TRPM7: variants seen among roughly 807,000 people sequenced by gnomAD.
TRPM7 encodes the protein LTRPC ion channel family member 7.
Under a neutral mutation model 229.7 loss-of-function variants are expected in TRPM7, and 134 were observed. The observed-to-expected ratio is 0.58, with a 90% CI of 0.51 to 0.67. TRPM7 has a LOEUF of 0.67. Among genes scored for constraint, TRPM7 ranks in the 30% least tolerant of loss-of-function variants. The pLI is 0.00. For missense variants in TRPM7, 1,901 were observed against 2,210.0 expected, an observed-to-expected ratio of 0.86 and a Z score of 2.80; for synonymous variants, 699 against 715.2, an observed-to-expected ratio of 0.98 and a Z score of 0.36.
At chr15:50,663,586 A>C (rs1021221388) in intron 1 of TRPM7, among the ~76,000 whole-genome samples, 1 of 151,940 alleles carries the variant, frequency 6.6e-6, no homozygotes, top group African/African-American at 2.4e-5. Context: ...TCAAATAGTC[A>C]AACAGGAGGG....
chr15:50,673,878 A>T (rs2062042331), intron 1 of TRPM7, among the ~76,000 whole-genome samples: 1 of 152,220 alleles, frequency 6.6e-6, no homozygotes, highest in South Asian at 2.1e-4. Flanking sequence ...CATTCCTACC[A>T]GCAGTGTAGA....
intron 10 of TRPM7, 75 bp downstream of exon 10, chr15:50,631,342 A>T: frequency 1.3e-6 from 1 of 782,332 alleles, no homozygotes; most frequent in East Asian, 2.5e-5. Flanking sequence ...ATACATACAC[A>T]TATACACACA....
intron 2 of TRPM7, among the ~76,000 whole-genome samples, chr15:50,658,092 C>A (rs1407460072): frequency 2.0e-5 from 3 of 151,424 alleles, no homozygotes; most frequent in Non-Finnish European, 4.4e-5. Context: ...GCAAGCTCCG[C>A]CTCCCGGGTT....
At chr15:50,592,797 G>A (rs2059539386) in intron 25 of TRPM7, among the ~76,000 whole-genome samples, 171 bp from the exon 26 acceptor site, 1 of 152,120 alleles carries the variant, frequency 6.6e-6, no homozygotes, top group Admixed American at 6.5e-5. Context: ...TGTTTAAGAA[G>A]GATCCAGTGC....
chr15:50,672,992 T>C (rs2062023608), intron 1 of TRPM7, among the ~76,000 whole-genome samples: 1 of 151,624 alleles, frequency 6.6e-6, no homozygotes, highest in African/African-American at 2.4e-5. Flanking sequence ...ATACGAAGTG[T>C]TATTACAAGA....
chr15:50,681,132 T>A (rs2062232140), intron 1 of TRPM7, among the ~76,000 whole-genome samples: 1 of 151,926 alleles, frequency 6.6e-6, no homozygotes, highest in Admixed American at 6.6e-5. Context: ...ATGCCTGTAA[T>A]CCCAGCTACT....
intron 16 of TRPM7, among the ~76,000 whole-genome samples, 162 bp from the exon 17 acceptor site, chr15:50,611,483 T>C (rs929166116): frequency 6.6e-6 from 1 of 152,224 alleles, no homozygotes; most frequent in African/African-American, 2.4e-5. Context: ...CATCTACATC[T>C]ATGTGGAAAT....
chr15:50,636,832 A>G (rs2060921841), intron 7 of TRPM7, among the ~76,000 whole-genome samples: 1 of 152,176 alleles, frequency 6.6e-6, no homozygotes, highest in South Asian at 2.1e-4. Flanking sequence ...TAAATCACAC[A>G]TTAAGAATAT....
rs55840070 is a variant in TRPM7 at position 50,589,650 on chromosome 15, C to G, written c.4331G>C (p.Arg1444Thr). Reference sequence around the variant, plus strand: ...AAACCTCTGTAAATCCATGCTATCTCTGTGTCCTTTAATAGAAAAAAAGAT... The same window carrying G: ...AAACCTCTGTAAATCCATGCTATCTGTGTGTCCTTTAATAGAAAAAAAGAT... ...NTEFGAFVGH[R>T]DSMDLQRFKE... Residue 1444 changes from arginine (R) to threonine (T), a missense_variant, in exon 27 of 39, where the codon AGA becomes ACA. By Grantham distance (71) the Arg-to-Thr change is moderately conservative. Transcript: ENST00000646667. The G allele has an allele frequency of 1.9e-6, 3 of 1,588,642 alleles. No homozygotes were observed. Among genetic ancestry groups the G allele is most frequent in the Non-Finnish European group, 2.6e-6 (3 of 1,166,526 alleles).
At chr15:50,658,698 T>C (rs1454353818) in intron 2 of TRPM7, among the ~76,000 whole-genome samples, 1 of 152,140 alleles carries the variant, frequency 6.6e-6, no homozygotes, top group Non-Finnish European at 1.5e-5. Flanking sequence ...ATAAAAAACG[T>C]TGACTCTCAC....
At chr15:50,602,675 T>C (rs1029522829) in intron 21 of TRPM7, among the ~76,000 whole-genome samples, 5 of 152,196 alleles carry the variant, frequency 3.3e-5, no homozygotes, top group African/African-American at 1.2e-4. Flanking sequence ...GACCATGTCT[T>C]ATTCATCTTT....
intron 4 of TRPM7, among the ~76,000 whole-genome samples, chr15:50,647,379 C>T (rs1293897765): frequency 6.6e-6 from 1 of 152,152 alleles, no homozygotes; most frequent in African/African-American, 2.4e-5. Context: ...GATCCACCCA[C>T]CTTGGATTCC....
chr15:50,626,567 T>C (rs755455989), intron 11 of TRPM7, among the ~76,000 whole-genome samples: 9 of 152,178 alleles, frequency 5.9e-5, no homozygotes, highest in Non-Finnish European at 1.3e-4. Flanking sequence ...GGTAACACTA[T>C]GCAGAAGAAA....
chr15:50,657,758 C>A (rs180796992), intron 3 of TRPM7, 23 bp downstream of exon 3: 10 of 1,602,768 alleles, frequency 6.2e-6, no homozygotes, highest in South Asian at 2.2e-5. Flanking sequence ...GAAATTTGTG[C>A]GGTATAGTTA....
intron 1 of TRPM7, among the ~76,000 whole-genome samples, chr15:50,679,518 A>ATGTG (rs1567129229): frequency 3.5e-4 from 6 of 17,366 alleles, no homozygotes; most frequent in African/African-American, 6.7e-4. Flanking sequence ...TATAATATAT[A>ATGTG]TATATATATA....
intron 24 of TRPM7, 119 bp downstream of exon 24, chr15:50,594,310 A>G (rs2059582568): frequency 2.1e-6 from 2 of 961,002 alleles, no homozygotes; most frequent in Non-Finnish European, 3.1e-6. Context: ...CATATTTAAC[A>G]AAAATCTACC....
intron 1 of TRPM7, among the ~76,000 whole-genome samples, chr15:50,680,880 T>C (rs751937796): frequency 6.6e-6 from 1 of 152,218 alleles, no homozygotes; most frequent in Non-Finnish European, 1.5e-5. Context: ...CGTTGGCAAG[T>C]GATTTTTGAT....
At chr15:50,579,683 T>C (rs182609131) in intron 30 of TRPM7, among the ~76,000 whole-genome samples, 1 of 152,212 alleles carries the variant, frequency 6.6e-6, no homozygotes, top group African/African-American at 2.4e-5. Context: ...TGACTATAGG[T>C]GGGCCTTCCA....
At chr15:50,656,733 C>T (rs1420468594) in intron 3 of TRPM7, among the ~76,000 whole-genome samples, 1 of 151,994 alleles carries the variant, frequency 6.6e-6, no homozygotes, top group Non-Finnish European at 1.5e-5. Flanking sequence ...CCTAGCCTAC[C>T]ACCCAGAGAC....
Sources: allele counts gnomAD v4.1 joint callset (sites outside exome capture counted in the v4.1 genomes callset), GRCh38; gene constraint gnomAD v4.1.1; transcripts MANE v1.5; gene names NCBI Gene and HGNC (gene_info 2026-07-23, HGNC 2026-07-21).